PLEKHA7: variants seen among roughly 807,000 people sequenced by gnomAD.
PLEKHA7 encodes the protein pleckstrin homology domain containing A7.
PLEKHA7 carries 104 observed loss-of-function variants against 170.0 expected under a neutral mutation model. The observed-to-expected ratio is 0.61, with a 90% CI of 0.52 to 0.72. The LOEUF (loss-of-function observed/expected upper bound fraction) is 0.72, where lower values mean the gene tolerates loss of function less well. Among genes scored for constraint, PLEKHA7 ranks in the 30% least tolerant of loss-of-function variants. PLEKHA7 has a pLI of 0.00. For missense variants in PLEKHA7, 1,615 were observed against 1,671.7 expected (o/e 0.97, Z 0.59); for synonymous variants, 648 against 660.8 (o/e 0.98, Z 0.30).
chr11:16,789,842 G>T lies in PLEKHA7; in HGVS notation c.3089C>A (p.Ser1030Tyr). ...SGSTSRLQQSSTIAPYVTLRR... is the reference protein window; with the variant it reads ...SGSTSRLQQSYTIAPYVTLRR... The stretch of plus-strand genomic sequence containing the variant: ...GAGTGTGACGTAGGGAGCAATGGTG[G>T]ACGACTGCTGGAGCCTTGACGTGGA... The change falls in exon 22 of 27, where the codon TCC becomes TAC. Residue 1030 changes from serine to tyrosine, a missense_variant. Coordinates refer to ENST00000531066, the MANE Select transcript of PLEKHA7 (RefSeq NM_001329630.2). The surrounding 1 kb of genome is among the most constrained non-coding windows in gnomAD (Gnocchi z 4.6). The T allele has an allele frequency of 6.2e-7, 1 of 1,614,132 alleles. No homozygotes were observed. The highest frequency in any genetic ancestry group is 8.5e-7 in the Non-Finnish European group (1 of 1,179,988).
At chr11:16,937,588 A>G (rs1057126060) in intron 3 of PLEKHA7, among the ~76,000 whole-genome samples, 4 of 152,060 alleles carry the variant, frequency 2.6e-5, no homozygotes, top group African/African-American at 7.2e-5. Flanking sequence ...GCACTTAGCT[A>G]TCCCTTAACT....
intron 4 of PLEKHA7, among the ~76,000 whole-genome samples, chr11:16,862,553 A>G (rs1854047717): frequency 6.6e-6 from 1 of 152,214 alleles, no homozygotes; most frequent in Non-Finnish European, 1.5e-5. Flanking sequence ...CAAAATTACT[A>G]CTTACAGGAA....
At position 16,816,854 on chromosome 11, in the gene PLEKHA7, ACTC is replaced by A. The variant is rs1211966060; in HGVS notation, c.1809_1811del (p.Arg603del). The A allele has an allele frequency of 5.0e-6, 8 of 1,612,526 alleles. No homozygotes were observed. Among genetic ancestry groups the A allele is most frequent in the Non-Finnish European group, 6.8e-6 (8 of 1,179,604 alleles). ...GAGAATCCCCCAGCGAGATGTCCAC[ACTC>A]CTCCTCTGGTCCGGTGGCTTCACTG... On this transcript the variant is annotated inframe_deletion, in exon 11 of 27. Coordinates refer to ENST00000531066, the MANE Select transcript of PLEKHA7 (RefSeq NM_001329630.2).
chr11:16,854,988 T>C lies in PLEKHA7; in HGVS notation c.423A>G (p.Ile141Met), dbSNP rs137926348. ...TLEAKPGPKI[I>M]KSSSKVHSFG... The stretch of plus-strand genomic sequence containing the variant: ...AGCTGTGGACTTTACTGCTGGACTT[T>C]ATGATCTATGAAAAAGCAGACTGAA... The change falls in exon 6 of 27, where the codon ATA becomes ATG. Residue 141 changes from isoleucine (I) to methionine (M), a missense_variant. Ile to Met is a conservative substitution (Grantham distance 10). Coordinates refer to ENST00000531066, the MANE Select transcript of PLEKHA7 (RefSeq NM_001329630.2). The C allele has an allele frequency of 4.3e-6, 7 of 1,613,780 alleles. No homozygotes were observed. Among genetic ancestry groups the C allele is most frequent in the Non-Finnish European group, 5.1e-6 (6 of 1,179,716 alleles).
At chr11:16,868,374 G>A (rs1015166423) in intron 4 of PLEKHA7, among the ~76,000 whole-genome samples, 7 of 152,126 alleles carry the variant, frequency 4.6e-5, no homozygotes, top group Non-Finnish European at 7.3e-5. Flanking sequence ...TCTGTAAAAT[G>A]AGAAACTATC....
chr11:16,975,494 T>C (rs544534501), intron 3 of PLEKHA7, among the ~76,000 whole-genome samples: 2 of 152,210 alleles, frequency 1.3e-5, no homozygotes, highest in East Asian at 3.9e-4. Context: ...CAGCTCTCCA[T>C]ATCCATGGGT....
intron 4 of PLEKHA7, 27 bp downstream of exon 4, chr11:16,871,047 CTTTAGTCTCCCATACTCTGCCCAGA>C: frequency 7.0e-7 from 1 of 1,428,342 alleles, no homozygotes; most frequent in Non-Finnish European, 9.8e-7. Flanking sequence ...CAGCAAATGC[CTTTAGTCTCCCATACTCTGCCCAGA>C]TAAGGAGAAT....
chr11:16,949,810 T>G (rs1461096432), intron 3 of PLEKHA7, among the ~76,000 whole-genome samples: 1 of 151,890 alleles, frequency 6.6e-6, no homozygotes, highest in East Asian at 1.9e-4. Flanking sequence ...ATGGAGATCA[T>G]GAGCTACAGA....
At chr11:16,788,968 G>A in intron 23 of PLEKHA7, 128 bp downstream of exon 23, 2 of 1,207,444 alleles carry the variant, frequency 1.7e-6, no homozygotes. Flanking sequence ...CCCGTGGGGT[G>A]TTCTCTGAAC....
rs112804081 is a variant in PLEKHA7, at chr11:16,981,640, G to A, written c.221+32349C>T. ...GCTGCTAATAGTAGACGGGGTTGGGGGGCGGGGCGGGGAAGGAGCTGCAAT... is the reference window on the plus strand; with the variant it reads ...GCTGCTAATAGTAGACGGGGTTGGGAGGCGGGGCGGGGAAGGAGCTGCAAT... On this transcript the variant is annotated intron_variant, in intron 3 of 26. Transcript: ENST00000531066. Among the ~76,000 whole-genome samples, 732 of 152,266 alleles carry A rather than the reference G, an allele frequency of 4.8e-3. 7 individuals carry two copies. The highest frequency in any genetic ancestry group is 0.016 in the African/African-American group (647 of 41,534).
chr11:16,954,216 C>A (rs1315442858), intron 3 of PLEKHA7, among the ~76,000 whole-genome samples: 2 of 152,168 alleles, frequency 1.3e-5, no homozygotes, highest in East Asian at 3.9e-4. Context: ...TTGGAGCAAA[C>A]AATAAAGAAC....
At chr11:17,012,724 A>T (rs1865391109) in intron 3 of PLEKHA7, among the ~76,000 whole-genome samples, 1 of 152,216 alleles carries the variant, frequency 6.6e-6, no homozygotes, top group Non-Finnish European at 1.5e-5. Flanking sequence ...GGCACACAGG[A>T]AAATTGTAAT....
At chr11:16,921,560 A>C (rs1355878692) in intron 3 of PLEKHA7, among the ~76,000 whole-genome samples, 2 of 152,370 alleles carry the variant, frequency 1.3e-5, no homozygotes, top group African/African-American at 4.8e-5. Flanking sequence ...GTTTATTCCT[A>C]CTTTGGGAGA....
intron 3 of PLEKHA7, among the ~76,000 whole-genome samples, chr11:16,997,646 C>T (rs1344106137): frequency 6.6e-6 from 1 of 152,222 alleles, no homozygotes; most frequent in Non-Finnish European, 1.5e-5. Context: ...AGCCCCAGCA[C>T]AGCCTATACC....
At chr11:16,995,209 G>C (rs1864268832) in intron 3 of PLEKHA7, among the ~76,000 whole-genome samples, 1 of 152,174 alleles carries the variant, frequency 6.6e-6, no homozygotes, top group Non-Finnish European at 1.5e-5. Flanking sequence ...TGGCAGGGCT[G>C]GGATTCAAGC....
intron 4 of PLEKHA7, among the ~76,000 whole-genome samples, chr11:16,867,795 TCTC>T (rs1000215858): frequency 1.3e-4 from 20 of 152,026 alleles, no homozygotes; most frequent in African/African-American, 4.6e-4. Flanking sequence ...CTGGACACAC[TCTC>T]CTCAGCTGTG....
intron 3 of PLEKHA7, among the ~76,000 whole-genome samples, chr11:17,012,850 A>G (rs1753442823): frequency 6.6e-6 from 1 of 152,232 alleles, no homozygotes; most frequent in Admixed American, 6.5e-5. Context: ...ATAGAACCGC[A>G]GCAAGGCCCT....
chr11:16,990,675 C>G (rs1174611607), intron 3 of PLEKHA7, among the ~76,000 whole-genome samples: 4 of 152,214 alleles, frequency 2.6e-5, no homozygotes, highest in Non-Finnish European at 4.4e-5. Flanking sequence ...TGGAAATGTG[C>G]CTGATGCCAG....
intron 17 of PLEKHA7, among the ~76,000 whole-genome samples, chr11:16,797,404 C>G (rs1323920277): frequency 6.6e-6 from 1 of 152,144 alleles, no homozygotes; most frequent in Non-Finnish European, 1.5e-5. Context: ...ATGGACCTGC[C>G]CAATACTGCT....
Sources: allele counts gnomAD v4.1 joint callset (sites outside exome capture counted in the v4.1 genomes callset), GRCh38; gene constraint gnomAD v4.1.1; non-coding constraint Gnocchi (gnomAD v3.1); transcripts MANE v1.5; gene names NCBI Gene and HGNC (gene_info 2026-07-23, HGNC 2026-07-21).